MRTFA: variants seen among roughly 807,000 people sequenced by gnomAD.
The protein encoded by MRTFA is myocardin related transcription factor A, also known as myocardin-related transcription factor A.
MRTFA carries 20 observed loss-of-function variants against 83.5 expected under a neutral mutation model. The observed-to-expected ratio is 0.24, with a 90% CI of 0.17 to 0.35. MRTFA has a LOEUF of 0.35. MRTFA is among the 10% of genes least tolerant of loss of function. The pLI is 1.00. For synonymous variants in MRTFA, 659 were observed against 541.2 expected (o/e 1.22, Z -3.02); for missense variants, 1,200 against 1,224.7 (o/e 0.98, Z 0.30).
intron 3 of MRTFA, among the ~76,000 whole-genome samples, chr22:40,489,501 C>T (rs1161890155): frequency 6.6e-6 from 1 of 151,384 alleles, no homozygotes; most frequent in Admixed American, 6.6e-5. Flanking sequence ...TTTCTAGAGA[C>T]AGGGTCTCAC....
At chr22:40,571,186 G>A (rs966527259) in intron 2 of MRTFA, among the ~76,000 whole-genome samples, 17 of 151,800 alleles carry the variant, frequency 1.1e-4, no homozygotes, top group East Asian at 5.8e-4. Flanking sequence ...TAGTATGGGC[G>A]ACAGGAGTGA....
intron 14 of MRTFA, among the ~76,000 whole-genome samples, chr22:40,413,757 T>C (rs1020929712): frequency 1.3e-5 from 2 of 152,174 alleles, no homozygotes; most frequent in African/African-American, 4.8e-5. Context: ...TATCACAATT[T>C]TTAAAAAATC....
chr22:40,478,074 C>T (rs147885335), intron 3 of MRTFA, among the ~76,000 whole-genome samples: 2 of 152,196 alleles, frequency 1.3e-5, no homozygotes, highest in Non-Finnish European at 2.9e-5. Context: ...CAGAAAGGTC[C>T]ATTTATCTTT....
chr22:40,509,982 T>TAA (rs556051473), intron 3 of MRTFA, among the ~76,000 whole-genome samples: 16 of 108,108 alleles, frequency 1.5e-4, no homozygotes, highest in East Asian at 7.1e-4. Context: ...CCAAGTACTT[T>TAA]AAAAAAAAAA....
chr22:40,476,076 G>A (rs1030375160), intron 3 of MRTFA, among the ~76,000 whole-genome samples: 6 of 151,636 alleles, frequency 4.0e-5, no homozygotes, highest in African/African-American at 9.7e-5. Flanking sequence ...CCCGGGAGGC[G>A]GAGCTTGCAG....
chr22:40,561,008 A>C (rs1569328769), intron 2 of MRTFA, among the ~76,000 whole-genome samples: 1 of 152,118 alleles, frequency 6.6e-6, no homozygotes, highest in East Asian at 1.9e-4. Context: ...TCTTCTGAAA[A>C]TTTTTTTTAA....
intron 2 of MRTFA, among the ~76,000 whole-genome samples, chr22:40,571,984 T>C (rs934320499): frequency 2.9e-5 from 3 of 102,938 alleles, no homozygotes; most frequent in Admixed American, 1.9e-4. Flanking sequence ...ATGCTCAACA[T>C]CACTAGTCAT....
At chr22:40,538,800 G>A (rs910687174) in intron 3 of MRTFA, among the ~76,000 whole-genome samples, 1 of 151,794 alleles carries the variant, frequency 6.6e-6, no homozygotes, top group African/African-American at 2.4e-5. Context: ...CTTTAACAAG[G>A]GCTCTGCACA....
chr22:40,556,632 A>C (rs1387723731), intron 2 of MRTFA, among the ~76,000 whole-genome samples: 5 of 152,224 alleles, frequency 3.3e-5, no homozygotes, highest in African/African-American at 1.2e-4. Flanking sequence ...ATAATTTTAT[A>C]AATTACAAAA....
At chr22:40,417,863 C>T (rs375438849) in intron 12 of MRTFA, 70 of 257,594 alleles carry the variant, frequency 2.7e-4, no homozygotes, top group Non-Finnish European at 3.8e-4. Context: ...TGCAGGACCA[C>T]GAGGCTACAT....
intron 3 of MRTFA, among the ~76,000 whole-genome samples, chr22:40,509,637 A>T (rs2054635207): frequency 6.6e-6 from 1 of 152,238 alleles, no homozygotes; most frequent in Non-Finnish European, 1.5e-5. Flanking sequence ...GATAGAAGCT[A>T]CTGCTTTCTC....
chr22:40,427,061 T>C (rs557722175), intron 7 of MRTFA, among the ~76,000 whole-genome samples: 59 of 152,324 alleles, frequency 3.9e-4, no homozygotes, highest in Non-Finnish European at 8.4e-4. Context: ...TGAATTCTTT[T>C]AGCGCACAAG....
intron 7 of MRTFA, chr22:40,429,303 C>T (rs894233123): frequency 1.6e-6 from 1 of 607,072 alleles, no homozygotes; most frequent in Admixed American, 2.9e-5. Context: ...CTGATCCTGA[C>T]ATCTATCTAC....
At chr22:40,471,247 A>C (rs1415366651) in intron 3 of MRTFA, among the ~76,000 whole-genome samples, 3 of 104,332 alleles carry the variant, frequency 2.9e-5, no homozygotes, top group Admixed American at 1.0e-4. Flanking sequence ...AAAAAAAAAA[A>C]CAAGAATTAG....
chr22:40,581,633 A>G (rs1188417585), intron 2 of MRTFA, among the ~76,000 whole-genome samples: 1 of 152,198 alleles, frequency 6.6e-6, no homozygotes, highest in African/African-American at 2.4e-5. Flanking sequence ...CTAGATTATA[A>G]TATGTATAAT....
intron 2 of MRTFA, among the ~76,000 whole-genome samples, chr22:40,570,576 T>TC (rs1382332881): frequency 6.8e-4 from 16 of 23,562 alleles, no homozygotes; most frequent in African/African-American, 1.3e-3. Flanking sequence ...AGACTCTGTC[T>TC]CAAAAAAAAA....
chr22:40,617,156 A>AAGGAG (rs1569354461), intron 1 of MRTFA, among the ~76,000 whole-genome samples: 57 of 101,816 alleles, frequency 5.6e-4, no homozygotes, highest in African/African-American at 2.3e-3. Flanking sequence ...GAAGGAAGGA[A>AAGGAG]GGAAGGAGGG....
At chr22:40,574,440 A>ATTATT (rs764460675) in intron 2 of MRTFA, among the ~76,000 whole-genome samples, 1 of 147,792 alleles carries the variant, frequency 6.8e-6, no homozygotes, top group African/African-American at 2.5e-5. Flanking sequence ...TATTATTATT[A>ATTATT]TTTTTTTTTT....
rs1253535744 is a variant in MRTFA at position 40,418,717 on chromosome 22, G to T, written c.2021C>A (p.Pro674His). 3 of 1,470,930 alleles carry T rather than the reference G, an allele frequency of 2.0e-6. No homozygotes were observed. Among genetic ancestry groups the T allele is most frequent in the East Asian group, 4.9e-5 (2 of 40,772 alleles). The allele number at this position is 1,470,930 out of a possible 1,614,324, so 91.1% of individuals were successfully genotyped here. A position where few individuals can be genotyped will look rare whatever the true frequency, so the allele number is the denominator to read the frequency against. ...GGAGAAGCTGTTCTCCTGCTTCACG[G>T]GGGTGCCGAGGGGGGCGGGGGCGGG... is the stretch of plus-strand genomic sequence containing the variant. The change falls in exon 12 of 15, where the codon CCC (proline) becomes CAC (histidine). Residue 674 changes from proline to histidine, a missense_variant. Around this residue, in one of 2 missense-constraint regions of MRTFA, gnomAD observed 1,107 missense variants for 1,041.8 expected, o/e 1.06. Transcript: ENST00000355630.
Sources: allele counts gnomAD v4.1 joint callset (sites outside exome capture counted in the v4.1 genomes callset), GRCh38; gene constraint gnomAD v4.1.1; regional missense constraint gnomAD v4.1.1; transcripts MANE v1.5; gene names NCBI Gene and HGNC (gene_info 2026-07-23, HGNC 2026-07-21).